The following USP9Y variants were observed in gnomAD, a reference collection of about 807,000 sequenced individuals.
USP9Y encodes the protein ubiquitin specific peptidase 9 Y-linked.
USP9Y carries 41 observed loss-of-function variants against 53.1 expected under a neutral mutation model. That is an observed-to-expected ratio of 0.77 (90% confidence interval 0.60 to 1.00). The LOEUF (loss-of-function observed/expected upper bound fraction) is 1.00, where lower values mean the gene tolerates loss of function less well. USP9Y is among the 50% of genes least tolerant of loss of function. The pLI is 0.00. For synonymous variants in USP9Y, 220 were observed against 173.7 expected (o/e 1.27, Z -2.09); for missense variants, 567 against 535.8 (o/e 1.06, Z -0.58).
chrY:12,843,643 TTAA>T (rs2053564251), intron 39 of USP9Y, among the ~76,000 whole-genome samples: 1 of 33,642 alleles, frequency 3.0e-5, no homozygotes, highest in African/African-American at 1.2e-4. Context: ...TAAATTGAAA[TTAA>T]TAATAATGCA....
In USP9Y at chrY:12,822,860, T is replaced by TTTTGTTTG. The variant is rs1487193822; in HGVS notation, c.5021+4267_5021+4274dup. ...CTATATCCGAAGGTTTTGCATCTTT[T>TTTTGTTTG]TTTGTTTGTTTGTTTGTTTGTTTGG... On this transcript the variant is annotated intron_variant, in intron 33 of 45. Coordinates refer to ENST00000338981, the MANE Select transcript of USP9Y (RefSeq NM_004654.4). 3.0e-4 allele frequency among the ~76,000 whole-genome samples: 10 copies of TTTTGTTTG among 33,182 alleles called. No homozygotes were observed. In the South Asian group the frequency reaches 6.8e-3, roughly 22 times the overall value. The allele number at this position is 33,182 out of a possible 37,273, so 89.0% of individuals were successfully genotyped here.
At chrY:12,738,131 G>A (rs762533535) in intron 10 of USP9Y, 26 bp from the exon 11 acceptor site, 2 of 368,221 alleles carry the variant, frequency 5.4e-6, no homozygotes. Flanking sequence ...TTTAGTTTCA[G>A]CATTGAATTT....
At chrY:12,761,621 A>C (rs112558979) in intron 15 of USP9Y, among the ~76,000 whole-genome samples, 23 of 33,212 alleles carry the variant, frequency 6.9e-4, no homozygotes, top group African/African-American at 2.6e-3. Flanking sequence ...TCTGCGTCCC[A>C]AATCAACCAC....
At position 12,840,177 on chromosome Y, in the gene USP9Y, C is replaced by A; in HGVS notation, c.5651C>A (p.Ser1884Tyr). The change falls in exon 36 of 46, where the codon TCT (serine) becomes TAT (tyrosine). Residue 1884 changes from serine to tyrosine, a missense_variant. Transcript: ENST00000338981. ...CAAGCAAGCGGTGGGCATTATTATTCTTACATCATTCAAAGGAATGGTAAA... is the reference window on the plus strand; with the variant it reads ...CAAGCAAGCGGTGGGCATTATTATTATTACATCATTCAAAGGAATGGTAAA... Reference protein sequence around the residue: ...SGQASGGHYYSYIIQRNGKDD... With the variant: ...SGQASGGHYYYYIIQRNGKDD... 5.0e-6 allele frequency: 2 copies of A among 398,229 alleles called. No homozygotes were observed. Among genetic ancestry groups the A allele is most frequent in the Non-Finnish European group, 7.1e-6 (2 of 283,272 alleles).
At position 12,859,463 on chromosome Y, in the gene USP9Y, A is replaced by G; in HGVS notation, c.*47A>G. ...CTTTATGACTATGCACTAAGGTCTT[A>G]TAGTCCAAACTTTCTCTGTGTCTGG... On this transcript the variant is annotated 3_prime_UTR_variant, in exon 46 of 46. Coordinates refer to ENST00000338981, the MANE Select transcript of USP9Y (RefSeq NM_004654.4). 1 of 388,543 alleles carries G rather than the reference A, an allele frequency of 2.6e-6. No homozygotes were observed. Among genetic ancestry groups the G allele is most frequent in the South Asian group, 3.0e-5 (1 of 33,520 alleles).
At chrY:12,777,430 T>C in intron 19 of USP9Y, among the ~76,000 whole-genome samples, 1 of 33,205 alleles carries the variant, frequency 3.0e-5, no homozygotes, top group African/African-American at 1.2e-4. Context: ...TAATGGCAAT[T>C]ACAGTTTTGG....
chrY:12,811,986 AT>A (rs2053531432), intron 30 of USP9Y, among the ~76,000 whole-genome samples: 6 of 31,711 alleles, frequency 1.9e-4, no homozygotes, highest in Non-Finnish European at 3.1e-4. Context: ...GACCTGGCTA[AT>A]TTTTGTATTT....
chrY:12,787,811 G>A, intron 24 of USP9Y, among the ~76,000 whole-genome samples: 1 of 32,916 alleles, frequency 3.0e-5, no homozygotes, highest in Admixed American at 2.7e-4. Context: ...AAAAGGTAGG[G>A]TTCTTATTAT....
chrY:12,706,167 GATGTTGGACT>G (rs772002836), intron 1 of USP9Y, among the ~76,000 whole-genome samples: 2 of 32,709 alleles, frequency 6.1e-5, no homozygotes, highest in South Asian at 1.4e-3. Flanking sequence ...ATAGTAAATT[GATGTTGGACT>G]ATGCTTCATC....
intron 11 of USP9Y, among the ~76,000 whole-genome samples, chrY:12,738,831 C>T: frequency 3.0e-5 from 1 of 33,286 alleles, no homozygotes; most frequent in Admixed American, 2.8e-4. Context: ...TGAGCCACTG[C>T]GCTTGGCCAT....
chrY:12,717,676 T>G, intron 3 of USP9Y, among the ~76,000 whole-genome samples: 1 of 33,537 alleles, frequency 3.0e-5, no homozygotes, highest in African/African-American at 1.2e-4. Context: ...AGTATCCCTA[T>G]CTGTACGTTC....
chrY:12,848,813 C>G, intron 42 of USP9Y, among the ~76,000 whole-genome samples: 2 of 33,205 alleles, frequency 6.0e-5, no homozygotes, highest in African/African-American at 1.2e-4. Flanking sequence ...TTCCATTGGT[C>G]TATATATCTG....
chrY:12,708,855 A>G (rs760204710), intron 2 of USP9Y, among the ~76,000 whole-genome samples, 162 bp downstream of exon 2: 1 of 34,229 alleles, frequency 2.9e-5, no homozygotes, highest in African/African-American at 1.1e-4. Flanking sequence ...CATTTTTATA[A>G]TCCTCTGTTA....
intron 12 of USP9Y, among the ~76,000 whole-genome samples, chrY:12,749,132 C>A (rs777506890): frequency 6.6e-4 from 22 of 33,294 alleles, no homozygotes; most frequent in Non-Finnish European, 1.5e-3. Context: ...TCATGGCTTT[C>A]CCTTCCCTGG....
intron 37 of USP9Y, among the ~76,000 whole-genome samples, chrY:12,841,988 C>T: frequency 3.0e-5 from 1 of 33,382 alleles, no homozygotes; most frequent in Non-Finnish European, 7.4e-5. Flanking sequence ...AGAAATGTTA[C>T]TTCACTGGGG....
intron 33 of USP9Y, among the ~76,000 whole-genome samples, chrY:12,820,026 C>T (rs1603202278): frequency 1.2e-4 from 4 of 32,343 alleles, no homozygotes. Flanking sequence ...TCCCAGCTAC[C>T]TGGGACGCTG....
At chrY:12,803,250 C>CT (rs374391693) in intron 27 of USP9Y, 6,063 of 31,275 alleles carry the variant, frequency 0.19, no homozygotes, top group African/African-American at 0.66. Context: ...CCATCCCAGC[C>CT]TTTTTTTCCC....
chrY:12,789,065 T>C (rs554834600), intron 24 of USP9Y, among the ~76,000 whole-genome samples: 5 of 33,395 alleles, frequency 1.5e-4, no homozygotes, highest in African/African-American at 5.8e-4. Context: ...GGAAACTATA[T>C]TTTTACCACC....
chrY:12,792,583 G>T (rs2053509512), intron 26 of USP9Y, among the ~76,000 whole-genome samples: 2 of 34,288 alleles, frequency 5.8e-5, no homozygotes, highest in Non-Finnish European at 1.5e-4. Context: ...TGTTCCAAAC[G>T]TACAAGTCTT....
Sources: gnomAD v4.1 joint callset for allele counts (sites outside exome capture counted in the v4.1 genomes callset) on GRCh38, gnomAD v4.1.1 for gene constraint, MANE v1.5 for transcripts, NCBI Gene and HGNC (gene_info 2026-07-23, HGNC 2026-07-21) for gene names.